Variants in KRT27 observed in about 807,000 individuals in gnomAD.
The protein encoded by KRT27 is keratin, type I cytoskeletal 27.
A neutral mutation model predicts 45.3 loss-of-function variants in KRT27; 30 were observed. The ratio of observed to expected loss-of-function variants is 0.66; its 90% CI spans 0.50 to 0.90. KRT27 has a LOEUF of 0.90. Among genes scored for constraint, KRT27 ranks in the 40% least tolerant of loss-of-function variants. KRT27 has a pLI of 0.00. For missense variants in KRT27, 610 were observed against 564.3 expected (o/e 1.08, Z -0.82); for synonymous variants, 204 against 223.9 (o/e 0.91, Z 0.79).
At chr17:40,780,037 G>T (rs984887168) in intron 3 of KRT27, among the ~76,000 whole-genome samples, 176 bp from the exon 4 acceptor site, 1 of 152,176 alleles carries the variant, frequency 6.6e-6, no homozygotes, top group African/African-American at 2.4e-5. Context: ...ACAGTGTTGG[G>T]ATTATAGGCA....
Position 40,779,733 on chromosome 17 carries a change from G to T in KRT27, c.813C>A (p.Asn271Lys), listed in dbSNP as rs761020765. 1.9e-6 allele frequency: 3 copies of T among 1,614,086 alleles called. No homozygotes were observed. In the African/African-American group the frequency reaches 4.0e-5, roughly 22 times the overall value. The change falls in exon 4 of 8, where the codon AAC (asparagine) becomes AAA (lysine). Residue 271 changes from asparagine (N) to lysine (K), a missense_variant. Physicochemically the swap from Asn to Lys is moderately conservative, Grantham distance 94. Transcript: ENST00000301656. ...TGAACCAGGCCTCCGCGTCCCTGCG[G>T]TTCTGCTCTGCGAGGGCTTCGTACT... ...RAEYEALAEQNRRDAEAWFNE... is the reference protein window; with the variant it reads ...RAEYEALAEQKRRDAEAWFNE...
chr17:40,778,190 T>C (rs984049536), intron 5 of KRT27, among the ~76,000 whole-genome samples: 4 of 152,236 alleles, frequency 2.6e-5, no homozygotes, highest in Non-Finnish European at 5.9e-5. Context: ...AAACGTTCCA[T>C]GAGTAGAATA....
At position 40,779,614 on chromosome 17, in the gene KRT27, T is replaced by G; in HGVS notation, c.860A>C (p.Gln287Pro). 6.2e-7 allele frequency: 1 copy of G among 1,614,240 alleles called. No homozygotes were observed. Among genetic ancestry groups the G allele is most frequent in the Non-Finnish European group, 8.5e-7 (1 of 1,180,034 alleles). ...GCCAGCGTCGTCAGAGATCTGCTGC[T>G]GCAGCGAGGCGCTCTGGAACGGCAG... ...AWFNEKSASLQQQISDDAGAT... is the reference protein window; with the variant it reads ...AWFNEKSASLPQQISDDAGAT... Residue 287 changes from glutamine to proline, a missense_variant, in exon 5 of 8, where the codon CAG becomes CCG. By Grantham distance (76) the Gln-to-Pro change is moderately conservative. Coordinates refer to ENST00000301656, the MANE Select transcript of KRT27 (RefSeq NM_181537.4).
intron 5 of KRT27, among the ~76,000 whole-genome samples, chr17:40,778,456 G>A (rs1010970392): frequency 6.6e-6 from 1 of 152,176 alleles, no homozygotes; most frequent in African/African-American, 2.4e-5. Flanking sequence ...TATAGACTTG[G>A]GAGTTAGAAA....
Position 40,777,605 on chromosome 17 carries a change from T to C in KRT27, c.1100A>G (p.Gln367Arg). Residue 367 changes from glutamine (Q) to arginine (R), a missense_variant, in exon 6 of 8, where the codon CAG (glutamine) becomes CGG (arginine). Coordinates refer to ENST00000301656, the MANE Select transcript of KRT27 (RefSeq NM_181537.4). ...AAGGAGCTGCTCATACTCGAGCTTC[T>C]GGCCCTCGGTCTCGGTTCTGACCTG... Reference protein sequence around the residue: ...LHQVRTETEGQKLEYEQLLDI... With the variant: ...LHQVRTETEGRKLEYEQLLDI... The C allele has an allele frequency of 6.2e-7, 1 of 1,614,104 alleles. No individual in the cohort carries two copies. Among genetic ancestry groups the C allele is most frequent in the Admixed American group, 1.7e-5 (1 of 60,010 alleles).
At chr17:40,778,589 C>T (rs951756054) in intron 5 of KRT27, among the ~76,000 whole-genome samples, 3 of 152,294 alleles carry the variant, frequency 2.0e-5, no homozygotes, top group Admixed American at 6.5e-5. Flanking sequence ...TCTGCCCTGC[C>T]CATGCCCCGG....
chr17:40,777,458 A>G (rs1194578059), intron 6 of KRT27, 57 bp downstream of exon 6: 15 of 1,595,182 alleles, frequency 9.4e-6, no homozygotes, highest in Non-Finnish European at 1.3e-5. Flanking sequence ...ACTTGATTTC[A>G]AATCATCTTT....
intron 5 of KRT27, among the ~76,000 whole-genome samples, chr17:40,778,784 G>A (rs2038285244): frequency 6.6e-6 from 1 of 152,140 alleles, no homozygotes; most frequent in Admixed American, 6.5e-5. Context: ...AATGCTAGAT[G>A]AAGCTAGGAG....
At chr17:40,779,371 A>T in intron 5 of KRT27, 131 bp downstream of exon 5, 1 of 1,152,918 alleles carries the variant, frequency 8.7e-7, no homozygotes, top group Non-Finnish European at 1.2e-6. Flanking sequence ...GCAAAATGCA[A>T]ATATGTCTTA....
chr17:40,780,480 C>A (rs1232818193), intron 2 of KRT27, 24 bp from the exon 3 acceptor site: 4 of 1,605,172 alleles, frequency 2.5e-6, no homozygotes, highest in Non-Finnish European at 3.4e-6. Context: ...TTGGAAGTTT[C>A]ATCATTAGTC....
At chr17:40,778,201 A>G (rs974858814) in intron 5 of KRT27, among the ~76,000 whole-genome samples, 3 of 152,248 alleles carry the variant, frequency 2.0e-5, no homozygotes, top group African/African-American at 7.2e-5. Flanking sequence ...GAGTAGAATA[A>G]ACCACAGAAA....
chr17:40,781,655 C>G (rs570439994), intron 1 of KRT27, among the ~76,000 whole-genome samples: 6 of 152,298 alleles, frequency 3.9e-5, no homozygotes, highest in African/African-American at 1.4e-4. Flanking sequence ...GTCTTGAACC[C>G]CTAATCTCAA....
At chr17:40,781,784 G>A (rs1359725212) in intron 1 of KRT27, among the ~76,000 whole-genome samples, 2 of 152,128 alleles carry the variant, frequency 1.3e-5, no homozygotes, top group Admixed American at 6.6e-5. Flanking sequence ...CTTTCTATGG[G>A]AAAGCCTATA....
chr17:40,777,820 T>A (rs1480533685), intron 5 of KRT27, 88 bp from the exon 6 acceptor site: 1 of 1,265,572 alleles, frequency 7.9e-7, no homozygotes. Flanking sequence ...AAGAGAATTA[T>A]CCTTACATCA....
chr17:40,777,372 G>T, intron 6 of KRT27, 70 bp from the exon 7 acceptor site: 1 of 1,555,856 alleles, frequency 6.4e-7, no homozygotes, highest in Non-Finnish European at 8.8e-7. Flanking sequence ...AATGATTTAA[G>T]GTGGGAATTC....
At position 40,779,841 on chromosome 17, in the gene KRT27, GC is replaced by G; in HGVS notation, c.704del (p.Cys235SerfsTer7). 6.2e-7 allele frequency: 1 copy of G among 1,606,274 alleles called. No homozygotes were observed. The highest frequency in any genetic ancestry group is 8.5e-7 in the Non-Finnish European group (1 of 1,178,050). On this transcript the variant is annotated frameshift_variant, in exon 4 of 8. Coordinates refer to ENST00000301656, the MANE Select transcript of KRT27 (RefSeq NM_181537.4). LOFTEE classifies it high-confidence loss of function. The part of the protein sequence containing the change: ...NHEEEMKALQ[C>X]AAGGNVNVEM... Reference sequence around the variant, plus strand: ...CCACGTTCACGTTGCCTCCAGCCGCGCACTGAAGAGCTTTCATTTCCTGAAA... The same window carrying G: ...CCACGTTCACGTTGCCTCCAGCCGCGACTGAAGAGCTTTCATTTCCTGAAA...
In KRT27 at chr17:40,782,148, T is replaced by C; in HGVS notation, c.346A>G (p.Ile116Val). 1 of 1,614,216 alleles carries C rather than the reference T, an allele frequency of 6.2e-7. No individual in the cohort carries two copies. Among genetic ancestry groups the C allele is most frequent in the Non-Finnish European group, 8.5e-7 (1 of 1,180,044 alleles). Residue 116 changes from isoleucine (I) to valine (V), a missense_variant, in exon 1 of 8, where the codon ATC becomes GTC. Ile to Val is a conservative substitution (Grantham distance 29). Transcript: ENST00000301656. ...EEANADLEQKIKGWYEKFGPG... is the reference protein window; with the variant it reads ...EEANADLEQKVKGWYEKFGPG... ...CCAAATTTCTCATACCACCCCTTGA[T>C]CTTCTGCTCCAAGTCAGCGTTGGCC...
rs1480520474 is a variant in KRT27, at chr17:40,777,687, A to T, written c.1018T>A (p.Cys340Ser). 1 of 1,614,064 alleles carries T rather than the reference A, an allele frequency of 6.2e-7. No homozygotes were observed. Among genetic ancestry groups the T allele is most frequent in the Non-Finnish European group, 8.5e-7 (1 of 1,180,042 alleles). Reference sequence around the variant, plus strand: ...GCCTGGATCTGTGCCAGCTGTGCACAGTAGTTACTCTCGGTCTCTGTCAAG... The same window carrying T: ...GCCTGGATCTGTGCCAGCTGTGCACTGTAGTTACTCTCGGTCTCTGTCAAG... ...CSLTETESNY[C>S]AQLAQIQAQI... Residue 340 changes from cysteine (C) to serine (S), a missense_variant, in exon 6 of 8, where the codon TGT (cysteine) becomes AGT (serine). By Grantham distance (112) the Cys-to-Ser change is moderately radical. Coordinates refer to ENST00000301656, the MANE Select transcript of KRT27 (RefSeq NM_181537.4).
At chr17:40,780,982 T>C (rs2038306889) in intron 2 of KRT27, among the ~76,000 whole-genome samples, 2 of 152,238 alleles carry the variant, frequency 1.3e-5, no homozygotes, top group Admixed American at 1.3e-4. Flanking sequence ...TCATATGACT[T>C]TGACACTCGT....
Sources: allele counts gnomAD v4.1 joint callset (sites outside exome capture counted in the v4.1 genomes callset), GRCh38; gene constraint gnomAD v4.1.1; transcripts MANE v1.5; gene names NCBI Gene and HGNC (gene_info 2026-07-23, HGNC 2026-07-21).